GRIK4: variants seen among roughly 807,000 people sequenced by gnomAD.
GRIK4 encodes glutamate receptor ionotropic, kainate 4.
GRIK4 carries 40 observed loss-of-function variants against 104.9 expected under a neutral mutation model. The observed-to-expected ratio is 0.38, with a 90% CI of 0.30 to 0.50. The LOEUF is 0.50. Among genes scored for constraint, GRIK4 ranks in the 20% least tolerant of loss-of-function variants. GRIK4 has a pLI of 0.93. For missense variants in GRIK4, 1,047 were observed against 1,308.1 expected (o/e 0.80, Z 3.08); for synonymous variants, 485 against 524.9 (o/e 0.92, Z 1.04).
chr11:120,963,806 TCA>T (rs1355925339), intron 18 of GRIK4, among the ~76,000 whole-genome samples: 36 of 152,204 alleles, frequency 2.4e-4, no homozygotes, highest in African/African-American at 8.2e-4. Flanking sequence ...TTCTTTAGCC[TCA>T]GTTATCTAAT....
intron 1 of GRIK4, among the ~76,000 whole-genome samples, chr11:120,648,155 A>G (rs541077223): frequency 1.3e-5 from 2 of 152,316 alleles, no homozygotes; most frequent in African/African-American, 4.8e-5. Flanking sequence ...TCCTGTGACT[A>G]TAGACCAGAG....
intron 13 of GRIK4, among the ~76,000 whole-genome samples, chr11:120,922,792 C>T (rs1328736017): frequency 6.6e-6 from 1 of 152,236 alleles, no homozygotes; most frequent in Non-Finnish European, 1.5e-5. Context: ...TATTACACCC[C>T]TTTCCAGAAC....
chr11:120,858,409 C>G (rs1954174000), intron 8 of GRIK4: 1 of 152,086 alleles, frequency 6.6e-6, no homozygotes, highest in South Asian at 2.1e-4. Flanking sequence ...TAGCATTTCC[C>G]AGATTGCGTT....
At chr11:120,571,511 C>T (rs986314439) in intron 1 of GRIK4, among the ~76,000 whole-genome samples, 3 of 152,152 alleles carry the variant, frequency 2.0e-5, no homozygotes, top group African/African-American at 7.2e-5. Context: ...CTCCTGCATG[C>T]TGCACTAGTA....
At chr11:120,526,145 C>A (rs1591674114) in intron 1 of GRIK4, among the ~76,000 whole-genome samples, 1 of 152,138 alleles carries the variant, frequency 6.6e-6, no homozygotes, top group Non-Finnish European at 1.5e-5. Flanking sequence ...TGCTCTATTT[C>A]GTGATCTGAG....
At chr11:120,635,637 A>G (rs1949388281) in intron 1 of GRIK4, among the ~76,000 whole-genome samples, 1 of 152,252 alleles carries the variant, frequency 6.6e-6, no homozygotes, top group Non-Finnish European at 1.5e-5. Flanking sequence ...TGTTGCCTGC[A>G]GAGTGAATGG....
chr11:120,858,596 T>G (rs1954178808), intron 8 of GRIK4: 1 of 152,240 alleles, frequency 6.6e-6, no homozygotes, highest in Non-Finnish European at 1.5e-5. Context: ...TTACGAATCT[T>G]GAAAAGGCAG....
intron 1 of GRIK4, among the ~76,000 whole-genome samples, chr11:120,630,668 G>A (rs986207847): frequency 6.6e-6 from 1 of 152,222 alleles, no homozygotes; most frequent in Non-Finnish European, 1.5e-5. Context: ...AATCCATATT[G>A]TTTTGAGCAC....
chr11:120,539,317 C>T (rs1253356830), intron 1 of GRIK4, among the ~76,000 whole-genome samples: 1 of 152,140 alleles, frequency 6.6e-6, no homozygotes, highest in Non-Finnish European at 1.5e-5. Context: ...TGGCAAATCC[C>T]AGGGCAGACC....
intron 3 of GRIK4, among the ~76,000 whole-genome samples, chr11:120,721,772 G>T (rs999085986): frequency 6.6e-6 from 1 of 152,136 alleles, no homozygotes; most frequent in African/African-American, 2.4e-5. Context: ...ATGCCCTTGT[G>T]TACCTATCTC....
At chr11:120,776,870 GAC>G (rs1952053456) in intron 3 of GRIK4, among the ~76,000 whole-genome samples, 1 of 152,212 alleles carries the variant, frequency 6.6e-6, no homozygotes, top group Non-Finnish European at 1.5e-5. Context: ...CAGAGCAAGA[GAC>G]AAGAGAGAGA....
chr11:120,857,513 CA>C (rs1954139382), intron 8 of GRIK4, among the ~76,000 whole-genome samples: 2 of 151,844 alleles, frequency 1.3e-5, no homozygotes, highest in South Asian at 4.2e-4. Flanking sequence ...CACACACACA[CA>C]CACACACACA....
intron 3 of GRIK4, among the ~76,000 whole-genome samples, chr11:120,774,163 G>A (rs1951997137): frequency 6.6e-6 from 1 of 152,228 alleles, no homozygotes; most frequent in African/African-American, 2.4e-5. Flanking sequence ...GCTGAGTCTA[G>A]GAGAAAGAGC....
chr11:120,636,397 G>T (rs1260589823), intron 1 of GRIK4, among the ~76,000 whole-genome samples: 2 of 152,194 alleles, frequency 1.3e-5, no homozygotes, highest in Non-Finnish European at 2.9e-5. Context: ...CAAATGTCTG[G>T]CAGTGGTAGA....
chr11:120,572,479 A>G (rs896078205), intron 1 of GRIK4, among the ~76,000 whole-genome samples: 1 of 152,080 alleles, frequency 6.6e-6, no homozygotes, highest in Non-Finnish European at 1.5e-5. Context: ...CGAGGCGGGG[A>G]GTGGAGAGAG....
intron 18 of GRIK4, 142 bp downstream of exon 18, chr11:120,962,823 GT>G (rs11306910): frequency 0.28 from 121,729 of 438,324 alleles, 3,934 homozygotes; most frequent in East Asian, 0.38. Flanking sequence ...GCATTCTAAA[GT>G]TTTTTTTTTT....
chr11:120,519,768 G>GTGCA (rs1378271667), intron 1 of GRIK4, among the ~76,000 whole-genome samples: 4 of 151,452 alleles, frequency 2.6e-5, no homozygotes, highest in South Asian at 2.1e-4. Context: ...AATCCTTTGT[G>GTGCA]TGCATGCATG....
chr11:120,960,880 T>C, intron 16 of GRIK4, 29 bp from the exon 17 acceptor site: 2 of 1,599,374 alleles, frequency 1.3e-6, no homozygotes, highest in Non-Finnish European at 1.7e-6. Flanking sequence ...GCCCGGGCAA[T>C]GATGACTTCC....
chr11:120,773,704 T>G (rs1038327445), intron 3 of GRIK4, among the ~76,000 whole-genome samples: 1 of 152,178 alleles, frequency 6.6e-6, no homozygotes, highest in Non-Finnish European at 1.5e-5. Flanking sequence ...AAATGAGGAC[T>G]GTAAAACAGC....
Sources: gnomAD v4.1 joint callset for allele counts (sites outside exome capture counted in the v4.1 genomes callset) on GRCh38, gnomAD v4.1.1 for gene constraint, MANE v1.5 for transcripts, NCBI Gene and HGNC (gene_info 2026-07-23, HGNC 2026-07-21) for gene names.